UCK2: variants seen among roughly 807,000 people sequenced by gnomAD.
UCK2 encodes the protein cytidine monophosphokinase 2.
In UCK2, 6 loss-of-function variants were observed where a neutral mutation model predicts 30.8. That is an observed-to-expected ratio of 0.19 (90% CI 0.11 to 0.38). The LOEUF (loss-of-function observed/expected upper bound fraction) is 0.38, where lower values mean the gene tolerates loss of function less well. Among genes scored for constraint, UCK2 ranks in the 10% least tolerant of loss-of-function variants. The pLI, the probability that UCK2 is intolerant of heterozygous loss-of-function variation, is 1.00. For missense variants in UCK2, 210 were observed against 339.8 expected (o/e 0.62, Z 3.00); for synonymous variants, 125 against 133.6 (o/e 0.94, Z 0.45).
chr1:165,904,819 T>G (rs1191723050), intron 5 of UCK2, among the ~76,000 whole-genome samples: 2 of 152,242 alleles, frequency 1.3e-5, no homozygotes, highest in Admixed American at 1.3e-4. Flanking sequence ...TAGACTTAGT[T>G]TGTATGCCAG....
At chr1:165,831,190 T>G (rs1047834372) in intron 1 of UCK2, among the ~76,000 whole-genome samples, 1 of 151,642 alleles carries the variant, frequency 6.6e-6, no homozygotes, top group Admixed American at 6.6e-5. Context: ...GGAAGGAGGA[T>G]GCCTTCAAAA....
intron 5 of UCK2, among the ~76,000 whole-genome samples, chr1:165,903,643 C>A (rs1216209191): frequency 6.6e-6 from 1 of 152,308 alleles, no homozygotes; most frequent in East Asian, 1.9e-4. Context: ...TCTGAAGGGT[C>A]TGCAATGGGT....
At chr1:165,843,803 C>T (rs1260423503) in intron 1 of UCK2, among the ~76,000 whole-genome samples, 1 of 152,178 alleles carries the variant, frequency 6.6e-6, no homozygotes, top group African/African-American at 2.4e-5. Flanking sequence ...AGAAGTAACA[C>T]ATGTTCTTGT....
chr1:165,837,619 G>T (rs1019191018), intron 1 of UCK2, among the ~76,000 whole-genome samples: 2 of 152,022 alleles, frequency 1.3e-5, no homozygotes, highest in African/African-American at 4.8e-5. Context: ...TTTTTCCCTT[G>T]CCCTGTGTGG....
At chr1:165,857,579 A>C (rs1571275350) in intron 1 of UCK2, among the ~76,000 whole-genome samples, 1 of 152,128 alleles carries the variant, frequency 6.6e-6, no homozygotes, top group Non-Finnish European at 1.5e-5. Flanking sequence ...GGCAGATTGC[A>C]AAGGGGGTGC....
intron 5 of UCK2, among the ~76,000 whole-genome samples, chr1:165,905,028 G>A (rs1452288248): frequency 1.3e-5 from 2 of 152,194 alleles, no homozygotes; most frequent in Non-Finnish European, 1.5e-5. Context: ...ACAGTGTCAT[G>A]TTTCAGACTA....
At chr1:165,861,655 AAAAACAAC>A (rs1654908384) in intron 1 of UCK2, among the ~76,000 whole-genome samples, 4 of 91,576 alleles carry the variant, frequency 4.4e-5, no homozygotes, top group Non-Finnish European at 6.7e-5. Flanking sequence ...AAAAACAAAA[AAAAACAAC>A]AGTAAAACTC....
rs539460598 is a variant in UCK2 at position 165,873,296 on chromosome 1, G to A, written c.100-16908G>A. On this transcript the variant is annotated intron_variant, in intron 1 of 6. Transcript: ENST00000367879. ...ATTGAATAGACTTCACCCCTCACTG[G>A]AGGAATATCTTGCCCACATAGGGAG... is the stretch of plus-strand genomic sequence containing the variant. Among the ~76,000 whole-genome samples the A allele has an allele frequency of 7.2e-5, 11 of 152,278 alleles. 1 individual carries two copies. The highest frequency in any genetic ancestry group is 2.4e-4 in the African/African-American group (10 of 41,556).
Position 165,907,868 on chromosome 1 carries a change from A to C in UCK2, c.*45A>C. ...AGCCCCTATCTCCAAGAGACAGAGG[A>C]GGGGTCAGGAGGCACTGCTCATCTG... On this transcript the variant is annotated 3_prime_UTR_variant, in exon 7 of 7. Coordinates refer to ENST00000367879, the MANE Select transcript of UCK2 (RefSeq NM_012474.5). The C allele has an allele frequency of 6.2e-7, 1 of 1,605,370 alleles. No homozygotes were observed. Among genetic ancestry groups the C allele is most frequent in the South Asian group, 1.1e-5 (1 of 89,718 alleles).
intron 3 of UCK2, among the ~76,000 whole-genome samples, chr1:165,893,162 G>A (rs1345775023): frequency 6.6e-6 from 1 of 152,222 alleles, no homozygotes; most frequent in African/African-American, 2.4e-5. Context: ...GTGGAACTGA[G>A]CATGGTTGAC....
chr1:165,872,064 TTTAC>T (rs1237887972), intron 1 of UCK2, among the ~76,000 whole-genome samples: 1 of 151,286 alleles, frequency 6.6e-6, no homozygotes, highest in Admixed American at 6.6e-5. Context: ...CTCTAGCCAG[TTTAC>T]TTATTTTTTA....
chr1:165,906,447 C>G (rs1647662907), intron 6 of UCK2, among the ~76,000 whole-genome samples: 1 of 152,190 alleles, frequency 6.6e-6, no homozygotes, highest in African/African-American at 2.4e-5. Flanking sequence ...TGCAGTAGCA[C>G]AGTCACAGCT....
At chr1:165,870,797 G>C (rs1024029778) in intron 1 of UCK2, among the ~76,000 whole-genome samples, 1 of 152,208 alleles carries the variant, frequency 6.6e-6, no homozygotes, top group African/African-American at 2.4e-5. Context: ...TTTACAGAAG[G>C]CTTCATTGGA....
At chr1:165,862,814 A>G (rs1654952403) in intron 1 of UCK2, among the ~76,000 whole-genome samples, 2 of 152,196 alleles carry the variant, frequency 1.3e-5, no homozygotes, top group Admixed American at 6.5e-5. Context: ...AGAGGCCATC[A>G]ATAAATGTTG....
chr1:165,836,190 T>C (rs1388261777), intron 1 of UCK2, among the ~76,000 whole-genome samples: 1 of 151,596 alleles, frequency 6.6e-6, no homozygotes, highest in African/African-American at 2.4e-5. Flanking sequence ...ATTGCACCAC[T>C]ACACTCCAGC....
intron 1 of UCK2, among the ~76,000 whole-genome samples, chr1:165,856,903 T>C: frequency 5.0e-5 from 1 of 20,192 alleles, no homozygotes; most frequent in East Asian, 2.8e-3. Context: ...GCCCCAGGGT[T>C]TTTTTTTTTT....
chr1:165,907,340 A>G (rs1214585414), intron 6 of UCK2, among the ~76,000 whole-genome samples: 2 of 152,178 alleles, frequency 1.3e-5, no homozygotes, highest in East Asian at 3.8e-4. Flanking sequence ...TAGCTAATTG[A>G]CGTGTCAGAA....
At chr1:165,880,596 T>G (rs897695007) in intron 1 of UCK2, among the ~76,000 whole-genome samples, 3 of 150,286 alleles carry the variant, frequency 2.0e-5, no homozygotes, top group Non-Finnish European at 4.4e-5. Flanking sequence ...TGTGTGTGTG[T>G]GTGTGTGTGT....
chr1:165,854,598 A>AAAATAAATAAATAAAT (rs10571444), intron 1 of UCK2, among the ~76,000 whole-genome samples: 3 of 143,618 alleles, frequency 2.1e-5, no homozygotes, highest in Non-Finnish European at 3.0e-5. Context: ...TCCTTTTTTA[A>AAAATAAATAAATAAAT]AAATAAATAA....
Sources: allele counts gnomAD v4.1 joint callset (sites outside exome capture counted in the v4.1 genomes callset), GRCh38; gene constraint gnomAD v4.1.1; transcripts MANE v1.5; gene names NCBI Gene and HGNC (gene_info 2026-07-23, HGNC 2026-07-21).